The following ATF7IP variants were observed in gnomAD, a reference collection of about 807,000 sequenced individuals.
The protein encoded by ATF7IP is activating transcription factor 7 interacting protein, also known as activating transcription factor 7-interacting protein 1.
ATF7IP carries 23 observed loss-of-function variants against 106.4 expected under a neutral mutation model. That is an observed-to-expected ratio of 0.22 (90% CI 0.16 to 0.31). The LOEUF is 0.31. Among genes scored for constraint, ATF7IP ranks in the 10% least tolerant of loss-of-function variants. The pLI, the probability that ATF7IP is intolerant of heterozygous loss-of-function variation, is 1.00. For missense variants in ATF7IP, 1,334 were observed against 1,524.3 expected (o/e 0.88, Z 2.08); for synonymous variants, 542 against 539.0 (o/e 1.01, Z -0.08).
chr12:14,439,406 T>C (rs1942587264), intron 5 of ATF7IP, among the ~76,000 whole-genome samples: 1 of 152,260 alleles, frequency 6.6e-6, no homozygotes, highest in South Asian at 2.1e-4. Context: ...ATCTAATTAT[T>C]AAACTTCATT....
chr12:14,397,340 G>A (rs1939908372), intron 1 of ATF7IP, among the ~76,000 whole-genome samples: 2 of 152,178 alleles, frequency 1.3e-5, no homozygotes, highest in African/African-American at 4.8e-5. Flanking sequence ...AATGTATTTA[G>A]CAAGCAATGT....
intron 13 of ATF7IP, among the ~76,000 whole-genome samples, chr12:14,495,927 G>C (rs570206841): frequency 1.3e-5 from 2 of 152,144 alleles, no homozygotes; most frequent in Admixed American, 1.3e-4. Context: ...ACCTCCTGTT[G>C]CTTGTGTCTC....
At chr12:14,465,226 T>A (rs1250212737) in intron 9 of ATF7IP, among the ~76,000 whole-genome samples, 4 of 151,714 alleles carry the variant, frequency 2.6e-5, no homozygotes, top group Non-Finnish European at 5.9e-5. Context: ...AGAAAAAAAA[T>A]AATAAATAAA....
intron 5 of ATF7IP, among the ~76,000 whole-genome samples, chr12:14,441,547 T>C (rs1254067465): frequency 7.2e-6 from 1 of 139,318 alleles, no homozygotes; most frequent in African/African-American, 2.7e-5. Flanking sequence ...TGGAGTGCAA[T>C]GGTGTGATCT....
intron 1 of ATF7IP, among the ~76,000 whole-genome samples, chr12:14,423,533 G>A (rs1040319205): frequency 4.7e-4 from 32 of 68,294 alleles, no homozygotes; most frequent in African/African-American, 2.0e-3. Flanking sequence ...CCCTACTGTT[G>A]TTCTTACACT....
At chr12:14,398,431 T>A (rs17402392) in intron 1 of ATF7IP, among the ~76,000 whole-genome samples, 3,044 of 151,552 alleles carry the variant, frequency 0.02, 34 homozygotes, top group Middle Eastern at 0.031. Flanking sequence ...TGTCATCTTG[T>A]TGGTATATTT....
chr12:14,448,291 G>C (rs554083305), intron 6 of ATF7IP, among the ~76,000 whole-genome samples: 2 of 152,258 alleles, frequency 1.3e-5, no homozygotes, highest in Non-Finnish European at 2.9e-5. Context: ...TCTTATCGCT[G>C]TAGTACAGTA....
At chr12:14,457,372 G>C (rs1943468356) in intron 8 of ATF7IP, 77 bp downstream of exon 8, 1 of 1,124,324 alleles carries the variant, frequency 8.9e-7, no homozygotes, top group Non-Finnish European at 1.3e-6. Context: ...ACATTCTTTT[G>C]AGGTTGAAAT....
intron 1 of ATF7IP, among the ~76,000 whole-genome samples, chr12:14,405,855 G>A (rs1336333202): frequency 6.6e-6 from 1 of 152,082 alleles, no homozygotes; most frequent in African/African-American, 2.4e-5. Context: ...TATACTAATT[G>A]TTCTAAGGTG....
intron 1 of ATF7IP, among the ~76,000 whole-genome samples, chr12:14,394,663 ATG>A (rs1289397332): frequency 6.6e-6 from 1 of 152,216 alleles, no homozygotes; most frequent in Non-Finnish European, 1.5e-5. Context: ...TCTGTTTGGA[ATG>A]TATAAGAATT....
chr12:14,416,634 A>T (rs1267955086), intron 1 of ATF7IP, among the ~76,000 whole-genome samples: 1 of 152,236 alleles, frequency 6.6e-6, no homozygotes, highest in Non-Finnish European at 1.5e-5. Context: ...TTAATCAAAG[A>T]AACCCTACCA....
chr12:14,426,084 C>G (rs75769516), intron 2 of ATF7IP, among the ~76,000 whole-genome samples: 1 of 152,074 alleles, frequency 6.6e-6, no homozygotes, highest in African/African-American at 2.4e-5. Flanking sequence ...ACCCAATTCT[C>G]TTATTTGATA....
At chr12:14,452,147 A>G (rs1291722058) in intron 6 of ATF7IP, among the ~76,000 whole-genome samples, 1 of 152,186 alleles carries the variant, frequency 6.6e-6, no homozygotes, top group Non-Finnish European at 1.5e-5. Flanking sequence ...TTTGTCATAC[A>G]TAAGTATGGC....
chr12:14,385,508 A>C, intron 1 of ATF7IP: 1 of 1,014,136 alleles, frequency 9.9e-7, no homozygotes, highest in Non-Finnish European at 1.4e-6. Context: ...TGGTTTTTAA[A>C]AAGTTGAAAT....
intron 1 of ATF7IP, among the ~76,000 whole-genome samples, chr12:14,414,434 C>G (rs977846292): frequency 6.6e-6 from 1 of 152,194 alleles, no homozygotes; most frequent in Non-Finnish European, 1.5e-5. Flanking sequence ...TAGCCAAACA[C>G]AAATTTGTAA....
intron 10 of ATF7IP, among the ~76,000 whole-genome samples, chr12:14,473,542 C>T (rs1944141044): frequency 6.6e-6 from 1 of 151,498 alleles, no homozygotes; most frequent in Admixed American, 6.6e-5. Context: ...TAATTTTTGC[C>T]TTATAGAATT....
chr12:14,429,988 A>G (rs1003552172), intron 2 of ATF7IP, among the ~76,000 whole-genome samples: 21 of 152,206 alleles, frequency 1.4e-4, no homozygotes, highest in African/African-American at 5.1e-4. Context: ...TTAGAAAAAT[A>G]TAGTAGGTAG....
intron 1 of ATF7IP, among the ~76,000 whole-genome samples, chr12:14,386,522 CAG>C (rs1001321260): frequency 2.6e-5 from 4 of 152,028 alleles, no homozygotes; most frequent in African/African-American, 9.7e-5. Context: ...TTTCTAAAAA[CAG>C]AAACTTTTTG....
At chr12:14,381,557 A>G (rs1939002736) in intron 1 of ATF7IP, among the ~76,000 whole-genome samples, 1 of 151,864 alleles carries the variant, frequency 6.6e-6, no homozygotes, top group South Asian at 2.1e-4. Flanking sequence ...CAGCTTCCCA[A>G]ATCTTAGTAG....
Sources: gnomAD v4.1 joint callset for allele counts (sites outside exome capture counted in the v4.1 genomes callset) on GRCh38, gnomAD v4.1.1 for gene constraint, MANE v1.5 for transcripts, NCBI Gene and HGNC (gene_info 2026-07-23, HGNC 2026-07-21) for gene names.